ERCC6L2: variants seen among roughly 807,000 people sequenced by gnomAD.
The protein encoded by ERCC6L2 is ERCC excision repair 6 like 2, also known as DNA excision repair protein ERCC-6-like 2.
ERCC6L2 carries 77 observed loss-of-function variants against 132.0 expected under a neutral mutation model. The observed-to-expected ratio is 0.58, with a 90% CI of 0.49 to 0.71. The LOEUF (loss-of-function observed/expected upper bound fraction) is 0.71, where lower values mean the gene tolerates loss of function less well. Among genes scored for constraint, ERCC6L2 ranks in the 30% least tolerant of loss-of-function variants. The probability of loss-of-function intolerance (pLI) is 0.00; values close to 1 mark genes in which losing one functional copy is unlikely to be tolerated. For synonymous variants in ERCC6L2, 583 were observed against 632.4 expected (o/e 0.92, Z 1.17); for missense variants, 1,542 against 1,837.6 (o/e 0.84, Z 2.94).
intron 16 of ERCC6L2, 51 bp from the exon 17 acceptor site, chr9:95,978,010 C>T: frequency 2.6e-6 from 3 of 1,160,460 alleles, no homozygotes; most frequent in South Asian, 1.6e-5. Context: ...TTTATGGAAC[C>T]ATATTGCTTT....
chr9:96,030,989 G>GT (rs1258620702), intron 19 of ERCC6L2, among the ~76,000 whole-genome samples: 2 of 152,208 alleles, frequency 1.3e-5, no homozygotes, highest in Admixed American at 6.5e-5. Flanking sequence ...CCAGGGGTCT[G>GT]TGAGTATAAA....
intron 2 of ERCC6L2, among the ~76,000 whole-genome samples, chr9:95,896,140 T>G (rs1476483687): frequency 6.6e-6 from 1 of 152,196 alleles, no homozygotes; most frequent in Admixed American, 6.5e-5. Context: ...GTCACCGATC[T>G]TCTAACTAGA....
chr9:96,015,015 GTTTTTTTTTT>G lies in ERCC6L2; in HGVS notation c.*1828_*1837del, dbSNP rs767745101. On this transcript the variant is annotated 3_prime_UTR_variant, in exon 19 of 19. Transcript: ENST00000653738. The stretch of plus-strand genomic sequence containing the variant: ...GCTCTATAGTCTTCATATATGTACA[GTTTTTTTTTT>G]TTTTTTTTTTTTTTTGAGATTGAGT... Among the ~76,000 whole-genome samples the G allele has an allele frequency of 4.6e-5, 3 of 65,426 alleles. No homozygotes were observed. Among genetic ancestry groups the G allele is most frequent in the Admixed American group, 2.5e-4 (1 of 3,932 alleles). The allele number at this position is 65,426 out of a possible 152,430, so 42.9% of individuals were successfully genotyped here. A position where few individuals can be genotyped will look rare whatever the true frequency, so the allele number is the denominator to read the frequency against.
At chr9:96,032,012 C>T (rs901061991) in intron 19 of ERCC6L2, among the ~76,000 whole-genome samples, 1 of 152,222 alleles carries the variant, frequency 6.6e-6, no homozygotes, top group African/African-American at 2.4e-5. Context: ...GTGGGTGGCA[C>T]GTCATGAGTC....
intron 4 of ERCC6L2, among the ~76,000 whole-genome samples, chr9:95,911,300 T>C (rs764808282): frequency 3.9e-5 from 6 of 152,222 alleles, no homozygotes; most frequent in Non-Finnish European, 8.8e-5. Context: ...ATTTTAATTA[T>C]TTCTTACCTG....
At chr9:95,992,844 C>T (rs949656826) in intron 17 of ERCC6L2, among the ~76,000 whole-genome samples, 1 of 152,134 alleles carries the variant, frequency 6.6e-6, no homozygotes, top group Non-Finnish European at 1.5e-5. Context: ...TTTTTTTCAC[C>T]AGCACCATTC....
chr9:95,932,596 C>T (rs908804141), intron 11 of ERCC6L2, among the ~76,000 whole-genome samples: 3 of 152,058 alleles, frequency 2.0e-5, no homozygotes, highest in African/African-American at 7.2e-5. Flanking sequence ...TATGAAGCCA[C>T]CCTATCCATA....
At position 95,897,935 on chromosome 9, in the gene ERCC6L2, T is replaced by C. The variant is rs764703055; in HGVS notation, c.558T>C (p.Ser186=). The change falls in exon 3 of 19, where the codon AGT becomes AGC. Residue 186 remains serine, a synonymous_variant. Coordinates refer to ENST00000653738, the MANE Select transcript of ERCC6L2 (RefSeq NM_020207.7). The part of the protein sequence containing the change: ...ENNMPEFLLR[S]MKKEPLSSTA... ...ACATGCCAGAGTTTTTACTAAGAAG[T>C]ATGAAAAAGGAACCCCTTTCTTCTA... 10 of 1,611,866 alleles carry C rather than the reference T, an allele frequency of 6.2e-6. No individual in the cohort carries two copies. Among genetic ancestry groups the C allele is most frequent in the Non-Finnish European group, 8.5e-6 (10 of 1,179,026 alleles).
intron 17 of ERCC6L2, among the ~76,000 whole-genome samples, chr9:95,998,145 C>CT (rs150091504): frequency 8.6e-5 from 13 of 151,442 alleles, no homozygotes; most frequent in South Asian, 6.3e-4. Flanking sequence ...GCCATGGGCT[C>CT]TTTTTTTTTG....
downstream of ERCC6L2, among the ~76,000 whole-genome samples, chr9:96,023,439 C>A (rs1044419307): frequency 6.6e-6 from 1 of 152,138 alleles, no homozygotes; most frequent in African/African-American, 2.4e-5. Flanking sequence ...ACTGTTTCCC[C>A]CCTAACTCTT....
intron 20 of ERCC6L2, among the ~76,000 whole-genome samples, chr9:96,041,033 A>G (rs987104688): frequency 1.4e-4 from 22 of 152,178 alleles, no homozygotes; most frequent in Admixed American, 1.4e-3. Flanking sequence ...ATCTTTGTCT[A>G]CCAAGAACGA....
rs1272610821 is a variant in ERCC6L2 at position 95,881,290 on chromosome 9, A to G, written c.468A>G (p.Val156=). The change falls in exon 2 of 19, where the codon GTA becomes GTG. Residue 156 remains valine, a synonymous_variant. Transcript: ENST00000653738. ...LGDDMGLGKT[V]QVISFLAAVL... ...ATGACATGGGACTTGGAAAAACAGTACAGGTATTTAATTATGTTATAACAG... is the reference window on the plus strand; with the variant it reads ...ATGACATGGGACTTGGAAAAACAGTGCAGGTATTTAATTATGTTATAACAG... 3.9e-6 allele frequency: 6 copies of G among 1,552,610 alleles called. No individual in the cohort carries two copies. Among genetic ancestry groups the G allele is most frequent in the Non-Finnish European group, 5.2e-6 (6 of 1,156,636 alleles).
chr9:95,976,087 A>G (rs971791566), intron 16 of ERCC6L2, among the ~76,000 whole-genome samples: 2 of 152,104 alleles, frequency 1.3e-5, no homozygotes, highest in Admixed American at 6.5e-5. Context: ...TCATTTTTAT[A>G]TGAAATTATT....
chr9:95,879,222 T>G (rs1276293137), intron 1 of ERCC6L2, among the ~76,000 whole-genome samples: 1 of 151,980 alleles, frequency 6.6e-6, no homozygotes, highest in African/African-American at 2.4e-5. Flanking sequence ...TGGTATCTCA[T>G]TGTGGCTTTG....
At chr9:95,984,237 TTA>T (rs1043554988) in intron 17 of ERCC6L2, among the ~76,000 whole-genome samples, 1 of 149,314 alleles carries the variant, frequency 6.7e-6, no homozygotes, top group Non-Finnish European at 1.5e-5. Context: ...ATTATATATG[TTA>T]TATATGTTAT....
chr9:95,897,849 G>A lies in ERCC6L2; in HGVS notation c.472G>A (p.Val158Ile). The change falls in exon 3 of 19, where the codon GTT (valine) becomes ATT (isoleucine). Residue 158 changes from valine to isoleucine, a missense_variant and splice_region_variant. This residue lies in a region of ERCC6L2 where 945 missense variants were observed against 1,105.2 expected (regional missense o/e 0.86). Transcript: ENST00000653738. ...DDMGLGKTVQ[V>I]ISFLAAVLHK... ...GATTGAAAAAGTCTTTTTTCCCCAG[G>A]TTATTTCATTTCTGGCTGCAGTTTT... 1 of 1,611,728 alleles carries A rather than the reference G, an allele frequency of 6.2e-7. No homozygotes were observed. Among genetic ancestry groups the A allele is most frequent in the Middle Eastern group, 1.7e-4 (1 of 6,044 alleles).
chr9:95,949,664 T>C (rs1831237922), intron 12 of ERCC6L2, among the ~76,000 whole-genome samples: 2 of 152,106 alleles, frequency 1.3e-5, no homozygotes, highest in South Asian at 2.1e-4. Context: ...GGTTAAGATA[T>C]TTGCAGACAG....
intron 17 of ERCC6L2, among the ~76,000 whole-genome samples, chr9:96,000,452 A>T (rs929925433): frequency 3.3e-5 from 5 of 152,228 alleles, no homozygotes; most frequent in Admixed American, 2.6e-4. Flanking sequence ...TCATATTTTT[A>T]AAAATGGCTT....
At chr9:95,977,439 A>G (rs1047820672) in intron 16 of ERCC6L2, among the ~76,000 whole-genome samples, 4 of 152,214 alleles carry the variant, frequency 2.6e-5, no homozygotes, top group African/African-American at 7.2e-5. Context: ...TATGATCACA[A>G]TTCAAAAATG....
Sources: gnomAD v4.1 joint callset for allele counts (sites outside exome capture counted in the v4.1 genomes callset) on GRCh38, gnomAD v4.1.1 for gene constraint, gnomAD v4.1.1 regional missense constraint, MANE v1.5 for transcripts, NCBI Gene and HGNC (gene_info 2026-07-23, HGNC 2026-07-21) for gene names.